Variants in RBM6 observed in about 807,000 individuals in gnomAD.
RBM6 encodes RNA-binding protein 6.
In RBM6, 23 loss-of-function variants were observed where a neutral mutation model predicts 140.4. That is an observed-to-expected ratio of 0.16 (90% CI 0.12 to 0.23). RBM6 has a LOEUF of 0.23. RBM6 is among the 10% of genes least tolerant of loss of function. The probability of loss-of-function intolerance (pLI) is 1.00; values close to 1 mark genes in which losing one functional copy is unlikely to be tolerated. For missense variants in RBM6, 1,139 were observed against 1,386.7 expected, an observed-to-expected ratio of 0.82 and a Z score of 2.84; for synonymous variants, 439 against 475.6, an observed-to-expected ratio of 0.92 and a Z score of 1.00.
intron 17 of RBM6, among the ~76,000 whole-genome samples, chr3:50,067,401 G>C (rs2090158321): frequency 6.6e-6 from 1 of 152,192 alleles, no homozygotes; most frequent in East Asian, 1.9e-4. Context: ...TGGGTAGGAA[G>C]AGAAAGGGTT....
intron 6 of RBM6, among the ~76,000 whole-genome samples, chr3:50,045,772 T>G (rs1349438655): frequency 6.6e-6 from 1 of 152,208 alleles, no homozygotes; most frequent in East Asian, 1.9e-4. Context: ...CACTATATTC[T>G]ATGCTAAGCT....
intron 11 of RBM6, among the ~76,000 whole-genome samples, 170 bp downstream of exon 11, chr3:50,059,916 G>A (rs1464355791): frequency 6.6e-6 from 1 of 152,138 alleles, no homozygotes. Flanking sequence ...CCTGACTCTC[G>A]AATTGTTTTC....
chr3:50,002,798 G>T (rs2086401911), intron 6 of RBM6, among the ~76,000 whole-genome samples: 1 of 152,176 alleles, frequency 6.6e-6, no homozygotes, highest in Non-Finnish European at 1.5e-5. Flanking sequence ...TTATGACATA[G>T]TAAACAATCT....
intron 1 of RBM6, among the ~76,000 whole-genome samples, chr3:49,959,552 T>A (rs541515721): frequency 1.3e-5 from 2 of 148,992 alleles, no homozygotes; most frequent in South Asian, 4.3e-4. Flanking sequence ...GAATTCTTGG[T>A]TGGCAATTTA....
intron 18 of RBM6, among the ~76,000 whole-genome samples, chr3:50,069,507 C>CAA (rs60210595): frequency 0.029 from 3,067 of 107,298 alleles, 48 homozygotes; most frequent in Non-Finnish European, 0.04. Context: ...GACCTTGTCT[C>CAA]AAAAAAAAAA....
chr3:50,038,898 T>G (rs2088705287), intron 6 of RBM6, among the ~76,000 whole-genome samples: 4 of 152,128 alleles, frequency 2.6e-5, no homozygotes, highest in Admixed American at 2.6e-4. Flanking sequence ...TGTGTTGAGG[T>G]GGGGGATGTC....
rs2090076806 is a variant in RBM6 at position 50,065,121 on chromosome 3, C to T, written c.2677C>T (p.Pro893Ser). The T allele has an allele frequency of 1.9e-6, 3 of 1,609,228 alleles. No homozygotes were observed. The highest frequency in any genetic ancestry group is 3.3e-5 in the Admixed American group (2 of 59,920). ...PPTVKKEESP[P>S]PPKVVNPLIG... ...TACTGTGAAGAAGGAAGAGAGTCCCCCTCCAGTAAGACCAACATTGATCCC... is the reference window on the plus strand; with the variant it reads ...TACTGTGAAGAAGGAAGAGAGTCCCTCTCCAGTAAGACCAACATTGATCCC... Residue 893 changes from proline to serine, a missense_variant, in exon 16 of 21, where the codon CCT becomes TCT. Pro to Ser is a moderately conservative substitution (Grantham distance 74). Around this residue, in one of 9 missense-constraint regions of RBM6, gnomAD observed 163 missense variants for 182.8 expected, o/e 0.89. Coordinates refer to ENST00000266022, the MANE Select transcript of RBM6 (RefSeq NM_005777.3).
At chr3:50,003,647 T>C (rs562449626) in intron 6 of RBM6, among the ~76,000 whole-genome samples, 2 of 152,314 alleles carry the variant, frequency 1.3e-5, no homozygotes, top group Admixed American at 1.3e-4. Context: ...ATAACCAAGG[T>C]CCCTCTAGCC....
intron 8 of RBM6, among the ~76,000 whole-genome samples, chr3:50,055,213 T>C (rs1257423743): frequency 5.9e-5 from 9 of 152,154 alleles, no homozygotes; most frequent in Non-Finnish European, 8.8e-5. Context: ...GGATCACCTG[T>C]GGTCAGGAGT....
chr3:50,059,436 T>C (rs2089849373), intron 10 of RBM6: 1 of 392,936 alleles, frequency 2.5e-6, no homozygotes, highest in Middle Eastern at 5.9e-4. Flanking sequence ...AGAACTGACA[T>C]CTATTCTGAT....
chr3:49,958,069 T>C (rs1575544827), intron 1 of RBM6, among the ~76,000 whole-genome samples: 1 of 152,126 alleles, frequency 6.6e-6, no homozygotes, highest in Admixed American at 6.6e-5. Context: ...TGACCTCAGG[T>C]GTGAGCCACC....
chr3:49,989,571 A>AAAAT lies in RBM6; in HGVS notation c.1484-9849_1484-9846dup, dbSNP rs756206534. 6.4e-4 allele frequency among the ~76,000 whole-genome samples: 98 copies of AAAAT among 152,172 alleles called. No individual in the cohort carries two copies. The South Asian group carries it at 7.9e-3, about 12-fold the overall frequency. ...GGGGCCACAAGAGTGAAACTGTCTC[A>AAAAT]AAATAAATAAATAAATAAATAAAAT... On this transcript the variant is annotated intron_variant, in intron 5 of 20. Coordinates refer to ENST00000266022, the MANE Select transcript of RBM6 (RefSeq NM_005777.3).
Position 50,074,308 on chromosome 3 carries a change from G to C in RBM6, c.3117-893G>C, listed in dbSNP as rs139778829. 7.1e-3 allele frequency among the ~76,000 whole-genome samples: 1,066 copies of C among 150,896 alleles called. 15 individuals are homozygous for C. The highest frequency in any genetic ancestry group is 0.025 in the African/African-American group (1,015 of 41,110). On this transcript the variant is annotated intron_variant, in intron 19 of 20. Coordinates refer to ENST00000266022, the MANE Select transcript of RBM6 (RefSeq NM_005777.3). ...TTGGTGATGCCCCTTCAGAGTTTTC[G>C]TTCCTTCTACTGCATTTCTTTTTTT... is the stretch of plus-strand genomic sequence containing the variant.
At chr3:50,042,746 T>C (rs1458903481) in intron 6 of RBM6, among the ~76,000 whole-genome samples, 1 of 149,766 alleles carries the variant, frequency 6.7e-6, no homozygotes, top group Non-Finnish European at 1.5e-5. Context: ...AGACCCTGTC[T>C]TTTTTTTAAA....
intron 1 of RBM6, among the ~76,000 whole-genome samples, chr3:49,955,860 C>CTCTCTGTGTGTG (rs1553637396): frequency 1.4e-5 from 2 of 145,476 alleles, no homozygotes; most frequent in Admixed American, 7.1e-5. Context: ...CTCTCTCTCT[C>CTCTCTGTGTGTG]TGTGTGTGTG....
chr3:50,034,262 G>A (rs527290478), intron 6 of RBM6, among the ~76,000 whole-genome samples: 1 of 151,888 alleles, frequency 6.6e-6, no homozygotes, highest in East Asian at 1.9e-4. Context: ...GGGATTACAA[G>A]CGTGAGCCAT....
At chr3:49,964,209 T>C (rs2084408386) in intron 2 of RBM6, among the ~76,000 whole-genome samples, 1 of 152,176 alleles carries the variant, frequency 6.6e-6, no homozygotes. Context: ...ACCTGCCATT[T>C]GGATTGGCAA....
chr3:49,949,883 C>G (rs1210865721), intron 1 of RBM6, among the ~76,000 whole-genome samples: 1 of 152,086 alleles, frequency 6.6e-6, no homozygotes, highest in Non-Finnish European at 1.5e-5. Context: ...CCACCACGCT[C>G]AGCTAATTTA....
chr3:50,040,439 CCTT>C (rs1458935350), intron 6 of RBM6, among the ~76,000 whole-genome samples: 4 of 92,966 alleles, frequency 4.3e-5, no homozygotes, highest in African/African-American at 1.9e-4. Context: ...GAGCAAGGCT[CCTT>C]CTCAAAAAAA....
Sources: allele counts gnomAD v4.1 joint callset (sites outside exome capture counted in the v4.1 genomes callset), GRCh38; gene constraint gnomAD v4.1.1; regional missense constraint gnomAD v4.1.1; transcripts MANE v1.5; gene names NCBI Gene and HGNC (gene_info 2026-07-23, HGNC 2026-07-21).